The following TRAPPC9 variants were observed in gnomAD, a reference collection of about 807,000 sequenced individuals.
TRAPPC9 encodes the protein IKK2 binding protein.
TRAPPC9 carries 83 observed loss-of-function variants against 124.0 expected under a neutral mutation model. The ratio of observed to expected loss-of-function variants is 0.67; its 90% CI spans 0.56 to 0.80. TRAPPC9 has a LOEUF of 0.80. Among genes scored for constraint, TRAPPC9 ranks in the 30% least tolerant of loss-of-function variants. The pLI is 0.00. For synonymous variants in TRAPPC9, 638 were observed against 617.5 expected (o/e 1.03, Z -0.49); for missense variants, 1,302 against 1,508.3 (o/e 0.86, Z 2.27).
At position 139,984,116 on chromosome 8, in the gene TRAPPC9, C is replaced by T. The variant is rs1432767892; in HGVS notation, c.2810+4610G>A. Reference sequence around the variant, plus strand: ...TCCTACTAGGAGGGAGGAGAGGCGGCAGGCACCACAATTATCTAACTGGGG... The same window carrying T: ...TCCTACTAGGAGGGAGGAGAGGCGGTAGGCACCACAATTATCTAACTGGGG... On this transcript the variant is annotated intron_variant, in intron 19 of 22. Coordinates refer to ENST00000438773, the MANE Select transcript of TRAPPC9 (RefSeq NM_001160372.4). The surrounding 1 kb of genome is among the most constrained non-coding windows in gnomAD (Gnocchi z 4.3). Among the ~76,000 whole-genome samples the T allele has an allele frequency of 6.6e-6, 1 of 152,180 alleles. No individual in the cohort carries two copies. The highest frequency in any genetic ancestry group is 6.5e-5 in the Admixed American group (1 of 15,286).
rs1271535862 is a variant in TRAPPC9, at chr8:140,018,859, GA to G, written c.2699+5077del. On this transcript the variant is annotated intron_variant, in intron 18 of 22. Transcript: ENST00000438773. ...TGATTAGGACTGCCAGAAAAATAAT[GA>G]ATACGGTGGAAACGTGCCTTGTTAT... Among the ~76,000 whole-genome samples, 7 of 143,696 alleles carry G rather than the reference GA, an allele frequency of 4.9e-5. No homozygotes were observed. The East Asian group carries it at 1.5e-3, about 30-fold the overall frequency. 94.3% of individuals were successfully genotyped at this position (143,696 alleles called of 152,430 possible).
At chr8:139,826,290 A>G (rs570785133) in intron 21 of TRAPPC9, among the ~76,000 whole-genome samples, 1 of 152,308 alleles carries the variant, frequency 6.6e-6, no homozygotes, top group Admixed American at 6.5e-5. Flanking sequence ...GCGCTTCCAG[A>G]GGACTACACT....
At chr8:140,442,972 A>C (rs1233267916) in intron 2 of TRAPPC9, among the ~76,000 whole-genome samples, 2 of 150,564 alleles carry the variant, frequency 1.3e-5, no homozygotes, top group Non-Finnish European at 3.0e-5. Flanking sequence ...ATCTCTACTA[A>C]AAATACAAGA....
intron 21 of TRAPPC9, among the ~76,000 whole-genome samples, chr8:139,780,975 C>T (rs1215411426): frequency 6.6e-6 from 1 of 152,064 alleles, no homozygotes; most frequent in Non-Finnish European, 1.5e-5. Flanking sequence ...GATGAGATAC[C>T]ACTATATGCT....
intron 15 of TRAPPC9, 92 bp downstream of exon 15, chr8:140,275,566 T>C: frequency 6.9e-7 from 1 of 1,443,858 alleles, no homozygotes; most frequent in East Asian, 2.3e-5. Flanking sequence ...AAAGAAGTTT[T>C]TAGATTCTCT....
intron 21 of TRAPPC9, among the ~76,000 whole-genome samples, chr8:139,827,541 C>G (rs968668963): frequency 2.6e-5 from 4 of 152,194 alleles, no homozygotes; most frequent in Non-Finnish European, 4.4e-5. Flanking sequence ...AGCTGGGATG[C>G]AAGCACAAAG....
At chr8:140,378,647 G>A (rs187708361) in intron 7 of TRAPPC9, among the ~76,000 whole-genome samples, 3 of 152,212 alleles carry the variant, frequency 2.0e-5, no homozygotes, top group Non-Finnish European at 4.4e-5. Flanking sequence ...ACAAGATCAA[G>A]TTTCCTTATT....
chr8:139,805,265 G>T (rs960787856), intron 21 of TRAPPC9, among the ~76,000 whole-genome samples: 4 of 152,214 alleles, frequency 2.6e-5, no homozygotes, highest in Non-Finnish European at 4.4e-5. Flanking sequence ...GTGGCGTGAG[G>T]TGTGCCTGGG....
intron 18 of TRAPPC9, among the ~76,000 whole-genome samples, chr8:140,021,570 G>A (rs1029845421): frequency 5.9e-5 from 9 of 151,878 alleles, no homozygotes; most frequent in African/African-American, 1.2e-4. Flanking sequence ...TATAGCTTCC[G>A]GTTTCCATTT....
At chr8:139,910,390 A>G in intron 19 of TRAPPC9, 90 bp from the exon 20 acceptor site, 2 of 1,249,736 alleles carry the variant, frequency 1.6e-6, no homozygotes, top group Admixed American at 1.7e-5. Flanking sequence ...AGCGTGAGAC[A>G]CTATAATGAA....
chr8:140,200,783 C>T (rs2062769597), intron 17 of TRAPPC9, among the ~76,000 whole-genome samples: 1 of 152,104 alleles, frequency 6.6e-6, no homozygotes, highest in Non-Finnish European at 1.5e-5. Flanking sequence ...GGAGCGGATA[C>T]ATGAGTAAAA....
At chr8:140,111,936 G>A (rs1449788664) in intron 17 of TRAPPC9, among the ~76,000 whole-genome samples, 1 of 152,262 alleles carries the variant, frequency 6.6e-6, no homozygotes, top group Non-Finnish European at 1.5e-5. Context: ...TTTTAATAAG[G>A]TGACTCCTGC....
intron 17 of TRAPPC9, among the ~76,000 whole-genome samples, chr8:140,124,709 A>AGGACCCTCATAGGGGG (rs1473571856): frequency 6.6e-6 from 1 of 152,084 alleles, no homozygotes; most frequent in Non-Finnish European, 1.5e-5. Context: ...CTCGCGGGGG[A>AGGACCCTCATAGGGGG]GGACCCTCCG....
In TRAPPC9 at chr8:140,227,970, T is replaced by TG. The variant is rs1463133099; in HGVS notation, c.2432-6388dup. Among the ~76,000 whole-genome samples, 19 of 152,334 alleles carry TG rather than the reference T, an allele frequency of 1.2e-4. No homozygotes were observed. In the East Asian group the frequency reaches 3.7e-3, roughly 29 times the overall value. On this transcript the variant is annotated intron_variant, in intron 16 of 22. Coordinates refer to ENST00000438773, the MANE Select transcript of TRAPPC9 (RefSeq NM_001160372.4). The stretch of plus-strand genomic sequence containing the variant: ...AAGGAATACATTTCAGTCCCCACAC[T>TG]GAGCTTCCAGAAAAGCTCACCAGCC...
At chr8:139,832,247 T>C (rs1171198449) in intron 21 of TRAPPC9, among the ~76,000 whole-genome samples, 2 of 152,244 alleles carry the variant, frequency 1.3e-5, no homozygotes, top group Non-Finnish European at 2.9e-5. Flanking sequence ...GGCCTCTTTC[T>C]TCCTTGGCCT....
At chr8:140,205,212 T>C (rs1036936523) in intron 17 of TRAPPC9, among the ~76,000 whole-genome samples, 1 of 152,242 alleles carries the variant, frequency 6.6e-6, no homozygotes, top group African/African-American at 2.4e-5. Flanking sequence ...AAGATATCAC[T>C]GGTATTCACA....
Position 139,729,394 on chromosome 8 carries a change from T to C in TRAPPC9, c.*1667A>G, listed in dbSNP as rs1014257365. 6.6e-6 allele frequency among the ~76,000 whole-genome samples: 1 copy of C among 152,220 alleles called. No homozygotes were observed. The highest frequency in any genetic ancestry group is 2.4e-5 in the African/African-American group (1 of 41,452). ...AGAAACAGCCCAGGTGGCCAGGCCC[T>C]CAACTACGCTGAGGCATCCTGAACG... is the stretch of plus-strand genomic sequence containing the variant. On this transcript the variant is annotated 3_prime_UTR_variant, in exon 23 of 23. Transcript: ENST00000438773.
At chr8:140,283,541 C>T (rs574493901) in intron 14 of TRAPPC9, among the ~76,000 whole-genome samples, 1 of 151,636 alleles carries the variant, frequency 6.6e-6, no homozygotes. Context: ...TTGTGATCCA[C>T]CCGCCTCGGT....
At position 139,855,360 on chromosome 8, in the gene TRAPPC9, G is replaced by A. The variant is rs77412480; in HGVS notation, c.3055+30519C>T. Among the ~76,000 whole-genome samples, 756 of 152,306 alleles carry A rather than the reference G, an allele frequency of 5.0e-3. 10 individuals are homozygous for A. The highest frequency in any genetic ancestry group is 0.018 in the African/African-American group (734 of 41,564). On this transcript the variant is annotated intron_variant, in intron 21 of 22. Coordinates refer to ENST00000438773, the MANE Select transcript of TRAPPC9 (RefSeq NM_001160372.4). ...CCCTAGGGTCAGTGCAGTGCCTGGC[G>A]CTCAGCTCCAGGCCCTAGCAGGCAG...
Sources: allele counts gnomAD v4.1 joint callset (sites outside exome capture counted in the v4.1 genomes callset), GRCh38; gene constraint gnomAD v4.1.1; non-coding constraint Gnocchi (gnomAD v3.1); transcripts MANE v1.5; gene names NCBI Gene and HGNC (gene_info 2026-07-23, HGNC 2026-07-21).